The following MAD1L1 variants were observed in gnomAD, a reference collection of about 807,000 sequenced individuals.
MAD1L1 encodes mitotic spindle assembly checkpoint protein MAD1.
In MAD1L1, 95 loss-of-function variants were observed where a neutral mutation model predicts 96.9. The ratio of observed to expected loss-of-function variants is 0.98; its 90% confidence interval spans 0.83 to 1.16. The LOEUF (loss-of-function observed/expected upper bound fraction) is 1.16. Ranked by LOEUF, MAD1L1 falls within the 50% of genes most tolerant of loss-of-function variation. MAD1L1 has a pLI of 0.00. For synonymous variants in MAD1L1, 473 were observed against 396.6 expected, an observed-to-expected ratio of 1.19 and a Z score of -2.29; for missense variants, 1,007 against 954.4, an observed-to-expected ratio of 1.06 and a Z score of -0.73.
intron 18 of MAD1L1, among the ~76,000 whole-genome samples, chr7:1,886,924 C>T (rs531313230): frequency 6.6e-6 from 1 of 152,400 alleles, no homozygotes; most frequent in East Asian, 1.9e-4. Context: ...GTGCCGCAAG[C>T]TGCTTCTCTC....
chr7:2,159,142 C>A (rs35076297), intron 10 of MAD1L1, among the ~76,000 whole-genome samples: 32,927 of 152,212 alleles, frequency 0.22, 3,761 homozygotes, highest in Middle Eastern at 0.36. Context: ...TCTCCAGCCC[C>A]ATCCATAAGC....
intron 7 of MAD1L1, 47 bp from the exon 8 acceptor site, chr7:2,216,334 G>C: frequency 6.3e-7 from 1 of 1,587,560 alleles, no homozygotes; most frequent in Non-Finnish European, 8.6e-7. Flanking sequence ...GAGCCACGAA[G>C]AGACCTGGAG....
chr7:1,940,927 C>CTCCTCCCCCAGGCCTCAGCCTCCTCT (rs1562545244), intron 16 of MAD1L1, among the ~76,000 whole-genome samples: 3 of 54,108 alleles, frequency 5.5e-5, no homozygotes. Context: ...CAGTGAGACC[C>CTCCTCCCCCAGGCCTCAGCCTCCTCT]TCCTCCCCCA....
chr7:2,126,675 G>A (rs779338405), intron 11 of MAD1L1, among the ~76,000 whole-genome samples: 5 of 152,168 alleles, frequency 3.3e-5, no homozygotes, highest in Non-Finnish European at 5.9e-5. Flanking sequence ...TCTGGGGACC[G>A]GCCTCTTCTG....
At position 1,904,144 on chromosome 7, in the gene MAD1L1, G is replaced by A. The variant is rs572432549; in HGVS notation, c.1808-5754C>T. Among the ~76,000 whole-genome samples, 911 of 143,276 alleles carry A rather than the reference G, an allele frequency of 6.4e-3. 21 individuals carry two copies. The highest frequency in any genetic ancestry group is 0.023 in the African/African-American group (846 of 36,752). 94.0% of individuals were successfully genotyped at this position (143,276 alleles called of 152,430 possible). A position where few individuals can be genotyped will look rare whatever the true frequency, so the allele number is the denominator to read the frequency against. On this transcript the variant is annotated intron_variant, in intron 17 of 18. Transcript: ENST00000265854. ...AAGCACTGTTCCAGGCAGCGAGGAC[G>A]CAGTGGCCTATGGAAGACGCTCTTG...
intron 16 of MAD1L1, among the ~76,000 whole-genome samples, chr7:1,937,480 C>T (rs1778676851): frequency 6.6e-6 from 1 of 152,182 alleles, no homozygotes; most frequent in South Asian, 2.1e-4. Flanking sequence ...GAGGAGTGCG[C>T]CTGGAGGCCC....
At chr7:1,942,612 G>A (rs1398210721) in intron 16 of MAD1L1, among the ~76,000 whole-genome samples, 1 of 152,102 alleles carries the variant, frequency 6.6e-6, no homozygotes, top group African/African-American at 2.4e-5. Context: ...AAACACACAG[G>A]CAGCAAAACA....
chr7:2,008,178 G>A (rs1782121913), intron 13 of MAD1L1, among the ~76,000 whole-genome samples: 1 of 152,218 alleles, frequency 6.6e-6, no homozygotes, highest in Non-Finnish European at 1.5e-5. Context: ...AGCTCGGGGA[G>A]AACCACACTC....
At chr7:2,060,789 G>A (rs566228039) in intron 12 of MAD1L1, among the ~76,000 whole-genome samples, 1 of 152,298 alleles carries the variant, frequency 6.6e-6, no homozygotes, top group South Asian at 2.1e-4. Flanking sequence ...ACATATAAAA[G>A]GTAAACAATA....
chr7:2,218,132 C>A, intron 6 of MAD1L1, 89 bp from the exon 7 acceptor site: 3 of 974,192 alleles, frequency 3.1e-6, no homozygotes, highest in Non-Finnish European at 3.3e-6. Context: ...CCAGCACAGA[C>A]CCACATACGT....
chr7:2,061,754 A>G (rs773418756), intron 12 of MAD1L1, among the ~76,000 whole-genome samples: 13 of 152,262 alleles, frequency 8.5e-5, no homozygotes, highest in Non-Finnish European at 1.8e-4. Context: ...GCTGGAAACC[A>G]TCCGATGTCG....
chr7:1,934,457 T>C (rs1315893819), intron 17 of MAD1L1, among the ~76,000 whole-genome samples: 58 of 99,530 alleles, frequency 5.8e-4, no homozygotes, highest in African/African-American at 1.1e-3. Context: ...GAGACCCAGA[T>C]AACAGGTGAA....
Position 2,088,651 on chromosome 7 carries a change from G to A in MAD1L1, c.1074-19313C>T, listed in dbSNP as rs1221531979. On this transcript the variant is annotated intron_variant, in intron 11 of 18. Transcript: ENST00000265854. This position sits in a 1 kb window ranked among gnomAD's most constrained non-coding sequence, Gnocchi z 4.4. ...AGCGAGAGGCAGCAAGGGGACGGGT[G>A]GAGGGAGTGCCATCTGTCACACTCC... 1.3e-5 allele frequency: 2 copies of A among 152,696 alleles called. No homozygotes were observed. Among genetic ancestry groups the A allele is most frequent in the African/African-American group, 4.8e-5 (2 of 41,484 alleles). 9.5% of individuals were successfully genotyped at this position (152,696 alleles called of 1,614,324 possible).
chr7:2,208,110 C>A (rs527739048), intron 10 of MAD1L1, among the ~76,000 whole-genome samples: 2 of 152,158 alleles, frequency 1.3e-5, no homozygotes, highest in Non-Finnish European at 2.9e-5. Context: ...GTCTCAGTTG[C>A]GTCTTAAGCT....
At chr7:2,098,786 C>G (rs1230823598) in intron 11 of MAD1L1, among the ~76,000 whole-genome samples, 1 of 152,218 alleles carries the variant, frequency 6.6e-6, no homozygotes, top group Non-Finnish European at 1.5e-5. Context: ...GCTCACACCA[C>G]ACGCCAGGCA....
intron 11 of MAD1L1, among the ~76,000 whole-genome samples, chr7:2,136,458 G>C (rs1788756873): frequency 6.6e-6 from 1 of 152,254 alleles, no homozygotes. Context: ...GTGCCTAGCA[G>C]TGGATGTTTC....
chr7:1,936,108 T>A (rs1039716122), intron 17 of MAD1L1, among the ~76,000 whole-genome samples: 3 of 152,030 alleles, frequency 2.0e-5, no homozygotes, highest in Non-Finnish European at 4.4e-5. Flanking sequence ...CCCTGCAGAG[T>A]CGACACAGCC....
intron 18 of MAD1L1, among the ~76,000 whole-genome samples, chr7:1,819,084 G>C (rs1781986874): frequency 6.6e-6 from 1 of 152,132 alleles, no homozygotes; most frequent in Non-Finnish European, 1.5e-5. Flanking sequence ...TGCTGAATGA[G>C]TGGCGCCGGG....
chr7:1,879,344 A>C (rs1785552866), intron 18 of MAD1L1, among the ~76,000 whole-genome samples: 1 of 151,774 alleles, frequency 6.6e-6, no homozygotes, highest in African/African-American at 2.4e-5. Context: ...AATCCTAGCT[A>C]CTCAGGAGGC....
Sources: allele counts gnomAD v4.1 joint callset (sites outside exome capture counted in the v4.1 genomes callset), GRCh38; gene constraint gnomAD v4.1.1; non-coding constraint Gnocchi (gnomAD v3.1); transcripts MANE v1.5; gene names NCBI Gene and HGNC (gene_info 2026-07-23, HGNC 2026-07-21).